RBFOX1: variants seen among roughly 807,000 people sequenced by gnomAD.
The protein encoded by RBFOX1 is RNA binding protein fox-1 homolog 1.
Under a neutral mutation model 57.7 loss-of-function variants are expected in RBFOX1, and 8 were observed. The ratio of observed to expected loss-of-function variants is 0.14; its 90% CI spans 0.08 to 0.25. RBFOX1 has a LOEUF of 0.25. RBFOX1 is among the 10% of genes least tolerant of loss of function. The pLI is 1.00. For synonymous variants in RBFOX1, 326 were observed against 222.4 expected (o/e 1.47, Z -4.15); for missense variants, 611 against 548.5 (o/e 1.11, Z -1.14).
At position 7,047,716 on chromosome 16, in the gene RBFOX1, C is replaced by CTTTTTTTTT. The variant is rs55636828; in HGVS notation, c.-15-4320_-15-4312dup. Among the ~76,000 whole-genome samples, 35 of 47,922 alleles carry CTTTTTTTTT rather than the reference C, an allele frequency of 7.3e-4. 1 individual carries two copies. The highest frequency in any genetic ancestry group is 1.2e-3 in the Non-Finnish European group (25 of 21,060). The allele number at this position is 47,922 out of a possible 152,430, so 31.4% of individuals were successfully genotyped here. ...TATTTGTTCCACAGGTCCTGCATTT[C>CTTTTTTTTT]TTTTTTTTTTTTTTTTTTTTTTTTT... On this transcript the variant is annotated intron_variant, in intron 3 of 15. Transcript: ENST00000550418.
At chr16:7,526,167 T>G (rs2078662292) in intron 5 of RBFOX1, among the ~76,000 whole-genome samples, 1 of 152,170 alleles carries the variant, frequency 6.6e-6, no homozygotes, top group Non-Finnish European at 1.5e-5. Flanking sequence ...ATCTAATGCT[T>G]GATTATCTGA....
chr16:7,561,241 T>A (rs1226915854), intron 5 of RBFOX1, among the ~76,000 whole-genome samples: 2 of 152,230 alleles, frequency 1.3e-5, no homozygotes, highest in African/African-American at 4.8e-5. Flanking sequence ...ACAGCCACAT[T>A]CATGGTTCAT....
At chr16:6,535,240 C>A (rs1000792914) in intron 2 of RBFOX1, among the ~76,000 whole-genome samples, 1 of 152,142 alleles carries the variant, frequency 6.6e-6, no homozygotes, top group Non-Finnish European at 1.5e-5. Context: ...GAGTTGGTCA[C>A]CTTCTTTCCA....
chr16:6,481,467 C>T (rs1230615667), intron 2 of RBFOX1, among the ~76,000 whole-genome samples: 4 of 152,242 alleles, frequency 2.6e-5, no homozygotes, highest in Non-Finnish European at 4.4e-5. Context: ...GCTGTCTCTC[C>T]ATCGGCCACC....
At chr16:7,033,843 C>T (rs544171507) in intron 3 of RBFOX1, among the ~76,000 whole-genome samples, 5 of 152,222 alleles carry the variant, frequency 3.3e-5, no homozygotes, top group African/African-American at 1.2e-4. Context: ...GTGGCATCTG[C>T]CTGTGGGCCC....
At chr16:6,398,981 T>A (rs2092954570) in intron 2 of RBFOX1, among the ~76,000 whole-genome samples, 1 of 152,208 alleles carries the variant, frequency 6.6e-6, no homozygotes, top group Admixed American at 6.5e-5. Context: ...TGCCCGGATA[T>A]CTGGGCATTT....
intron 2 of RBFOX1, among the ~76,000 whole-genome samples, chr16:6,630,333 A>G (rs1475008532): frequency 1.3e-5 from 2 of 152,170 alleles, no homozygotes; most frequent in African/African-American, 4.8e-5. Context: ...TTCAAAATCC[A>G]TCCATCCATC....
At chr16:7,087,133 T>G (rs1251116454) in intron 4 of RBFOX1, among the ~76,000 whole-genome samples, 2 of 152,194 alleles carry the variant, frequency 1.3e-5, no homozygotes, top group Admixed American at 1.3e-4. Context: ...ATGCTGCTTT[T>G]ATCTGAAGTA....
chr16:6,566,370 C>T (rs1026289288), intron 2 of RBFOX1, among the ~76,000 whole-genome samples: 3 of 152,122 alleles, frequency 2.0e-5, no homozygotes, highest in African/African-American at 7.2e-5. Context: ...ATAGTATTGT[C>T]ATTCTAAAAT....
intron 1 of RBFOX1, among the ~76,000 whole-genome samples, chr16:5,278,569 T>G (rs978096190): frequency 2.6e-5 from 4 of 152,222 alleles, no homozygotes; most frequent in African/African-American, 9.6e-5. Flanking sequence ...CTTTTCACTG[T>G]GTTGATTGTT....
intron 4 of RBFOX1, among the ~76,000 whole-genome samples, chr16:7,324,325 GGAGACCT>G (rs2096583349): frequency 6.6e-6 from 1 of 152,204 alleles, no homozygotes; most frequent in African/African-American, 2.4e-5. Flanking sequence ...TACCAGTCCT[GGAGACCT>G]GTGCTGTTAG....
At chr16:6,202,155 T>A (rs986690817) in intron 1 of RBFOX1, among the ~76,000 whole-genome samples, 4 of 152,196 alleles carry the variant, frequency 2.6e-5, no homozygotes, top group Non-Finnish European at 4.4e-5. Flanking sequence ...ACGGAGCAAC[T>A]TCCTAGGGAA....
At chr16:5,627,480 A>C (rs564754735) in intron 3 of RBFOX1, among the ~76,000 whole-genome samples, 1 of 152,162 alleles carries the variant, frequency 6.6e-6, no homozygotes, top group African/African-American at 2.4e-5. Context: ...AGAAAATGCT[A>C]TTGCTTTGAG....
intron 2 of RBFOX1, among the ~76,000 whole-genome samples, chr16:6,581,613 C>T (rs1002578647): frequency 6.6e-6 from 1 of 152,186 alleles, no homozygotes; most frequent in Non-Finnish European, 1.5e-5. Context: ...TGTTGCCTGT[C>T]TATGAAAATA....
intron 4 of RBFOX1, among the ~76,000 whole-genome samples, chr16:7,362,554 G>T (rs1411534003): frequency 6.6e-6 from 1 of 151,814 alleles, no homozygotes; most frequent in Non-Finnish European, 1.5e-5. Flanking sequence ...GTTAGTGTGT[G>T]GATGTTTTGT....
intron 2 of RBFOX1, among the ~76,000 whole-genome samples, chr16:6,623,718 G>T (rs866322290): frequency 4.9e-4 from 75 of 152,046 alleles, no homozygotes; most frequent in Admixed American, 1.3e-4. Flanking sequence ...CCTTGCGATA[G>T]TTTGCTGAGA....
At chr16:6,602,517 C>G (rs1017618497) in intron 2 of RBFOX1, among the ~76,000 whole-genome samples, 1 of 152,106 alleles carries the variant, frequency 6.6e-6, no homozygotes, top group African/African-American at 2.4e-5. Flanking sequence ...CAGCTGACCT[C>G]CAAGAGGTCT....
chr16:6,183,121 G>C (rs1161554825), intron 1 of RBFOX1, among the ~76,000 whole-genome samples: 1 of 152,104 alleles, frequency 6.6e-6, no homozygotes, highest in Non-Finnish European at 1.5e-5. Flanking sequence ...TTGGGTGTCA[G>C]GTGGCATGTG....
intron 1 of RBFOX1, among the ~76,000 whole-genome samples, chr16:6,098,603 C>T (rs780822535): frequency 6.6e-6 from 1 of 152,202 alleles, no homozygotes; most frequent in Non-Finnish European, 1.5e-5. Context: ...TTTCTGGCTG[C>T]TGCCAAGGGC....
Sources: gnomAD v4.1 joint callset for allele counts (sites outside exome capture counted in the v4.1 genomes callset) on GRCh38, gnomAD v4.1.1 for gene constraint, MANE v1.5 for transcripts, NCBI Gene and HGNC (gene_info 2026-07-23, HGNC 2026-07-21) for gene names.